IL1RAPL2: variants seen among roughly 807,000 people sequenced by gnomAD.
IL1RAPL2 encodes the protein interleukin 1 receptor accessory protein like 2.
Under a neutral mutation model 44.1 loss-of-function variants are expected in IL1RAPL2, and 3 were observed. The observed-to-expected ratio is 0.07, with a 90% confidence interval of 0.03 to 0.18. The LOEUF (loss-of-function observed/expected upper bound fraction) is 0.18. IL1RAPL2 is among the 10% of genes least tolerant of loss of function. IL1RAPL2 has a pLI of 1.00. For synonymous variants in IL1RAPL2, 181 were observed against 178.8 expected (o/e 1.01, Z -0.10); for missense variants, 391 against 496.4 (o/e 0.79, Z 2.02).
At chrX:104,659,441 A>G (rs1344155441) in intron 2 of IL1RAPL2, among the ~76,000 whole-genome samples, 3 of 111,920 alleles carry the variant, frequency 2.7e-5, no homozygotes, top group African/African-American at 9.7e-5. Flanking sequence ...AGGGGTCTAC[A>G]GCCTCCAAGT....
chrX:105,302,234 A>G (rs1473266034), intron 5 of IL1RAPL2, among the ~76,000 whole-genome samples: 1 of 111,561 alleles, frequency 9.0e-6, no homozygotes, highest in African/African-American at 3.3e-5. Context: ...CTATAGAGTT[A>G]TTTGTGTTCC....
At chrX:105,329,764 A>G (rs2034971639) in intron 5 of IL1RAPL2, among the ~76,000 whole-genome samples, 1 of 111,493 alleles carries the variant, frequency 9.0e-6, no homozygotes, top group Non-Finnish European at 1.9e-5. Flanking sequence ...AGTGTAAACT[A>G]GACACTGTAT....
chrX:105,578,866 C>T (rs2037069360), intron 6 of IL1RAPL2, among the ~76,000 whole-genome samples: 1 of 111,651 alleles, frequency 9.0e-6, no homozygotes, highest in Non-Finnish European at 1.9e-5. Context: ...CCTCAAGGTC[C>T]ATGTTGTGAA....
intron 2 of IL1RAPL2, among the ~76,000 whole-genome samples, chrX:104,984,097 T>G (rs1775517731): frequency 9.0e-6 from 1 of 111,361 alleles, no homozygotes; most frequent in Non-Finnish European, 1.9e-5. Flanking sequence ...TTATTTCAAC[T>G]TTGGGTAAAT....
chrX:105,233,248 C>T (rs2034089366), intron 3 of IL1RAPL2, among the ~76,000 whole-genome samples: 1 of 111,726 alleles, frequency 9.0e-6, no homozygotes, highest in Non-Finnish European at 1.9e-5. Flanking sequence ...AGCGCCACTG[C>T]ACTCCAGCCT....
intron 3 of IL1RAPL2, among the ~76,000 whole-genome samples, chrX:105,210,466 T>C (rs1194645685): frequency 9.0e-6 from 1 of 110,765 alleles, no homozygotes; most frequent in East Asian, 2.9e-4. Flanking sequence ...CATTCGGCAA[T>C]ATCTGGAGAG....
chrX:105,532,796 A>ATT (rs2036647366), intron 6 of IL1RAPL2, among the ~76,000 whole-genome samples: 1 of 110,717 alleles, frequency 9.0e-6, no homozygotes, highest in Non-Finnish European at 1.9e-5. Flanking sequence ...TATTTTTCCA[A>ATT]TTTCTTACTT....
At chrX:105,259,610 A>G (rs747146096) in intron 4 of IL1RAPL2, among the ~76,000 whole-genome samples, 2 of 111,311 alleles carry the variant, frequency 1.8e-5, no homozygotes, top group Non-Finnish European at 3.8e-5. Context: ...CAAGACTTCC[A>G]TGTCTGGTGA....
At chrX:104,830,711 C>G (rs771723607) in intron 2 of IL1RAPL2, among the ~76,000 whole-genome samples, 14 of 111,741 alleles carry the variant, frequency 1.3e-4, no homozygotes, top group Non-Finnish European at 2.3e-4. Flanking sequence ...TACTTAATCT[C>G]TCTGAATTTC....
chrX:105,649,136 A>G (rs1257244523), intron 6 of IL1RAPL2, among the ~76,000 whole-genome samples: 1 of 111,405 alleles, frequency 9.0e-6, no homozygotes, highest in Non-Finnish European at 1.9e-5. Context: ...CATATTTTCT[A>G]TGTTTCTAGA....
At chrX:105,206,285 A>T (rs782002375) in intron 3 of IL1RAPL2, among the ~76,000 whole-genome samples, 16 of 111,719 alleles carry the variant, frequency 1.4e-4, no homozygotes, top group Non-Finnish European at 2.6e-4. Context: ...AGCTTTTATT[A>T]TATGAAAGTA....
intron 2 of IL1RAPL2, among the ~76,000 whole-genome samples, chrX:104,964,227 G>T (rs1202948655): frequency 2.7e-5 from 3 of 111,076 alleles, no homozygotes; most frequent in African/African-American, 9.8e-5. Context: ...TTGTTGACTT[G>T]TCATTTTATA....
chrX:105,711,941 G>A (rs1446767651), intron 6 of IL1RAPL2, among the ~76,000 whole-genome samples: 2 of 112,223 alleles, frequency 1.8e-5, no homozygotes, highest in African/African-American at 3.2e-5. Context: ...GTATGTGGCT[G>A]GGTCCTCAAA....
intron 2 of IL1RAPL2, among the ~76,000 whole-genome samples, chrX:105,183,797 G>A (rs1602996516): frequency 9.0e-6 from 1 of 111,570 alleles, no homozygotes; most frequent in Non-Finnish European, 1.9e-5. Flanking sequence ...CTCTCCAGGT[G>A]AATGCAGCTG....
chrX:104,827,292 C>T (rs774789385), intron 2 of IL1RAPL2, among the ~76,000 whole-genome samples: 1 of 110,959 alleles, frequency 9.0e-6, no homozygotes, highest in African/African-American at 3.3e-5. Context: ...TTAGTGGTTC[C>T]TTCAGGAGTT....
intron 2 of IL1RAPL2, among the ~76,000 whole-genome samples, chrX:105,082,234 T>G (rs1274622304): frequency 1.8e-5 from 2 of 112,024 alleles, no homozygotes; most frequent in African/African-American, 6.5e-5. Context: ...ATTTATCCAT[T>G]TCTTCTAGGT....
chrX:104,680,050 GGGA>G (rs1465696525), intron 2 of IL1RAPL2, among the ~76,000 whole-genome samples: 1 of 111,681 alleles, frequency 9.0e-6, no homozygotes, highest in Admixed American at 9.5e-5. Context: ...AATGTGTTAA[GGGA>G]CCAGACAGGT....
chrX:105,039,491 T>G (rs2031683840), intron 2 of IL1RAPL2, among the ~76,000 whole-genome samples: 1 of 111,659 alleles, frequency 9.0e-6, no homozygotes, highest in African/African-American at 3.3e-5. Flanking sequence ...TATAAATAGG[T>G]TCTGGGTCAA....
chrX:104,752,263 G>T (rs756484765), intron 2 of IL1RAPL2, among the ~76,000 whole-genome samples: 1 of 107,662 alleles, frequency 9.3e-6, no homozygotes, highest in East Asian at 2.9e-4. Flanking sequence ...TGGTGGTGGT[G>T]GTAATGTTGG....
Sources: allele counts gnomAD v4.1 joint callset (sites outside exome capture counted in the v4.1 genomes callset), GRCh38; gene constraint gnomAD v4.1.1; transcripts MANE v1.5; gene names NCBI Gene and HGNC (gene_info 2026-07-23, HGNC 2026-07-21).